The following KCNMA1 variants were observed in gnomAD, a reference collection of about 807,000 sequenced individuals.
KCNMA1 encodes the protein Calcium-activated potassium channel subunit alpha-1.
In KCNMA1, 29 loss-of-function variants were observed where a neutral mutation model predicts 140.0. The observed-to-expected ratio is 0.21, with a 90% CI of 0.15 to 0.28. KCNMA1 has a LOEUF of 0.28. KCNMA1 is among the 10% of genes least tolerant of loss of function. KCNMA1 has a pLI of 1.00. For synonymous variants in KCNMA1, 612 were observed against 611.9 expected, an observed-to-expected ratio of 1.00 and a Z score of 0.00; for missense variants, 880 against 1,602.2, an observed-to-expected ratio of 0.55 and a Z score of 7.70.
intron 1 of KCNMA1, chr10:77,634,446 CCA>C (rs759527393): frequency 9.1e-6 from 9 of 985,434 alleles, no homozygotes; most frequent in African/African-American, 3.5e-5. Flanking sequence ...CGATGCATGT[CCA>C]CAGTCTTGGG....
chr10:77,027,916 C>T (rs199778075), intron 15 of KCNMA1, 25 bp from the exon 16 acceptor site: 5 of 1,601,698 alleles, frequency 3.1e-6, no homozygotes, highest in Non-Finnish European at 4.3e-6. Flanking sequence ...AGAAGCCTCC[C>T]AATCAGTTCT....
intron 13 of KCNMA1, 66 bp from the exon 14 acceptor site, chr10:77,073,318 T>C (rs566385904): frequency 1.3e-6 from 2 of 1,545,608 alleles, no homozygotes; most frequent in African/African-American, 2.7e-5. Context: ...ACATTTCTTC[T>C]GGGAAATGCA....
In KCNMA1 at chr10:77,090,492, T is replaced by A; in HGVS notation, c.1242A>T (p.Gly414=). The A allele has an allele frequency of 6.2e-7, 1 of 1,613,644 alleles. No homozygotes were observed. Among genetic ancestry groups the A allele is most frequent in the Non-Finnish European group, 8.5e-7 (1 of 1,179,528 alleles). The change falls in exon 10 of 28, where the codon GGA becomes GGT. Residue 414 remains glycine, a synonymous_variant. Coordinates refer to ENST00000286628, the MANE Select transcript of KCNMA1 (RefSeq NM_001161352.2). ...TGGAAACACTCTCCAGAGTGATGTGTCCGCAGACCACAATGTGCCTGAACA... is the reference window on the plus strand; with the variant it reads ...TGGAAACACTCTCCAGAGTGATGTGACCGCAGACCACAATGTGCCTGAACA... ...VSGRKHIVVC[G]HITLESVSNF...
chr10:77,332,059 C>A (rs531162756), intron 2 of KCNMA1, among the ~76,000 whole-genome samples: 4 of 152,044 alleles, frequency 2.6e-5, no homozygotes, highest in African/African-American at 9.7e-5. Flanking sequence ...CAATGAGGAA[C>A]AAGACACAAC....
At chr10:76,881,451 C>A (rs74139844), downstream of KCNMA1, among the ~76,000 whole-genome samples, 17 of 152,196 alleles carry the variant, frequency 1.1e-4, no homozygotes, top group East Asian at 7.7e-4. Flanking sequence ...ATAATATCAG[C>A]GGGCATTATA....
At chr10:77,167,973 G>C (rs1405197944) in intron 5 of KCNMA1, among the ~76,000 whole-genome samples, 1 of 152,116 alleles carries the variant, frequency 6.6e-6, no homozygotes, top group Non-Finnish European at 1.5e-5. Flanking sequence ...ATGAGCTGCT[G>C]CACCCAGCTG....
chr10:76,919,812 C>T (rs1236163279), intron 23 of KCNMA1, among the ~76,000 whole-genome samples: 2 of 151,488 alleles, frequency 1.3e-5, no homozygotes, highest in African/African-American at 2.4e-5. Flanking sequence ...GAGGCAAGTG[C>T]TAAAAAATGC....
chr10:77,408,739 C>G (rs1488037306), intron 1 of KCNMA1, among the ~76,000 whole-genome samples: 1 of 152,186 alleles, frequency 6.6e-6, no homozygotes, highest in African/African-American at 2.4e-5. Context: ...GAGGCCATCT[C>G]AGAAAGAGGA....
At chr10:77,199,418 G>A (rs1565166400) in intron 3 of KCNMA1, among the ~76,000 whole-genome samples, 2 of 152,114 alleles carry the variant, frequency 1.3e-5, no homozygotes, top group African/African-American at 4.8e-5. Context: ...AAATTCTACT[G>A]ATTACCTTGT....
At chr10:77,331,008 C>T (rs1312074426) in intron 2 of KCNMA1, among the ~76,000 whole-genome samples, 1 of 152,068 alleles carries the variant, frequency 6.6e-6, no homozygotes, top group Non-Finnish European at 1.5e-5. Flanking sequence ...AGCCCCATTC[C>T]CTCTCCAACG....
rs546913350 is a variant in KCNMA1, at chr10:77,084,192, A to G, written c.1523+445T>C. The stretch of plus-strand genomic sequence containing the variant: ...TTCGCAGTGTCCCTGGGCTCTACCT[A>G]TCAGATGCCAGCAGCACGGTCCCCT... On this transcript the variant is annotated intron_variant, in intron 12 of 27. Coordinates refer to ENST00000286628, the MANE Select transcript of KCNMA1 (RefSeq NM_001161352.2). Among the ~76,000 whole-genome samples the G allele has an allele frequency of 9.9e-5, 15 of 152,218 alleles. No individual in the cohort carries two copies. In the South Asian group the frequency reaches 2.9e-3, roughly 29 times the overall value.
At chr10:77,442,881 C>T (rs960679343) in intron 1 of KCNMA1, among the ~76,000 whole-genome samples, 6 of 152,208 alleles carry the variant, frequency 3.9e-5, no homozygotes, top group South Asian at 2.1e-4. Context: ...TGAATCCAAA[C>T]GCATTTCCCT....
rs79297187 is a variant in KCNMA1 at position 77,227,444 on chromosome 10, C to T, written c.602+23751G>A. Among the ~76,000 whole-genome samples the T allele has an allele frequency of 5.8e-3, 882 of 152,296 alleles. 7 individuals are homozygous for T. Among genetic ancestry groups the T allele is most frequent in the African/African-American group, 0.02 (827 of 41,570 alleles). On this transcript the variant is annotated intron_variant, in intron 3 of 27. Transcript: ENST00000286628. ...TATACTCCCTGGGAACCAAATAAAA[C>T]AGAACCACCTTTGTAGATGGGTAGC...
chr10:77,147,130 A>C (rs1309367210), intron 5 of KCNMA1, among the ~76,000 whole-genome samples: 1 of 152,260 alleles, frequency 6.6e-6, no homozygotes, highest in Non-Finnish European at 1.5e-5. Flanking sequence ...CAAGTGAGTA[A>C]TCTGATGTGT....
intron 1 of KCNMA1, among the ~76,000 whole-genome samples, chr10:77,535,346 T>C (rs2058659479): frequency 6.6e-6 from 1 of 152,186 alleles, no homozygotes; most frequent in Non-Finnish European, 1.5e-5. Flanking sequence ...GAAGTAGTTA[T>C]AATTCAGTTT....
At chr10:76,974,819 G>A (rs1211255348) in intron 19 of KCNMA1, among the ~76,000 whole-genome samples, 1 of 151,936 alleles carries the variant, frequency 6.6e-6, no homozygotes, top group Non-Finnish European at 1.5e-5. Flanking sequence ...CAATCTTCTT[G>A]GTATAATTTC....
At chr10:77,417,056 C>T (rs1292005810) in intron 1 of KCNMA1, among the ~76,000 whole-genome samples, 2 of 152,188 alleles carry the variant, frequency 1.3e-5, no homozygotes, top group African/African-American at 4.8e-5. Context: ...CTGACTGCCA[C>T]ACCTCCGTGC....
intron 5 of KCNMA1, among the ~76,000 whole-genome samples, chr10:77,146,142 A>G (rs1444224642): frequency 6.6e-6 from 1 of 152,206 alleles, no homozygotes; most frequent in Non-Finnish European, 1.5e-5. Flanking sequence ...TACAATCTAC[A>G]TTTGTATTTA....
chr10:77,316,818 G>C (rs1565931631), intron 2 of KCNMA1, among the ~76,000 whole-genome samples: 1 of 152,158 alleles, frequency 6.6e-6, no homozygotes, highest in Non-Finnish European at 1.5e-5. Flanking sequence ...GGGTGTGCTT[G>C]GTAGGTAGAA....
Sources: allele counts gnomAD v4.1 joint callset (sites outside exome capture counted in the v4.1 genomes callset), GRCh38; gene constraint gnomAD v4.1.1; transcripts MANE v1.5; gene names NCBI Gene and HGNC (gene_info 2026-07-23, HGNC 2026-07-21).